The following SLC9B1 variants were observed in gnomAD, a reference collection of about 807,000 sequenced individuals.
The protein encoded by SLC9B1 is sodium/hydrogen exchanger 9B1.
SLC9B1 carries 32 observed loss-of-function variants against 51.7 expected under a neutral mutation model. That is an observed-to-expected ratio of 0.62 (90% CI 0.47 to 0.83). The LOEUF (loss-of-function observed/expected upper bound fraction) is 0.83, where lower values mean the gene tolerates loss of function less well. SLC9B1 is among the 40% of genes least tolerant of loss of function. The pLI is 0.00. For missense variants in SLC9B1, 406 were observed against 613.2 expected (o/e 0.66, Z 3.57); for synonymous variants, 145 against 212.7 (o/e 0.68, Z 2.77).
intron 7 of SLC9B1, among the ~76,000 whole-genome samples, chr4:102,929,314 G>A (rs1330204135): frequency 1.3e-5 from 2 of 152,182 alleles, no homozygotes; most frequent in Admixed American, 6.5e-5. Flanking sequence ...GAGTCAGACT[G>A]CCAGATTTGC....
At chr4:102,926,030 T>C (rs1285709549) in intron 7 of SLC9B1, among the ~76,000 whole-genome samples, 1 of 152,280 alleles carries the variant, frequency 6.6e-6, no homozygotes, top group African/African-American at 2.4e-5. Context: ...GAAAAGGCCT[T>C]TGACAAAATT....
chr4:102,921,575 G>A (rs760971322), intron 7 of SLC9B1, among the ~76,000 whole-genome samples: 6 of 152,134 alleles, frequency 3.9e-5, no homozygotes, highest in East Asian at 1.9e-4. Context: ...AACCATAAAC[G>A]TAAATGGGCT....
intron 3 of SLC9B1, among the ~76,000 whole-genome samples, chr4:102,983,088 T>G (rs1739438551): frequency 6.6e-6 from 1 of 152,094 alleles, no homozygotes; most frequent in African/African-American, 2.4e-5. Flanking sequence ...GTTTTTTATT[T>G]TTAATCATGA....
intron 3 of SLC9B1, among the ~76,000 whole-genome samples, chr4:102,955,747 C>T (rs879717840): frequency 6.6e-6 from 1 of 150,548 alleles, no homozygotes; most frequent in Non-Finnish European, 1.5e-5. Context: ...CAAAGCTGCA[C>T]GTTCTGCACA....
chr4:102,891,822 A>C (rs1734261582), intron 11 of SLC9B1: 1 of 152,160 alleles, frequency 6.6e-6, no homozygotes, highest in Admixed American at 6.5e-5. Flanking sequence ...CTTTAGGGGG[A>C]ATTAAAAATC....
At chr4:102,990,907 T>C (rs750127820) in intron 2 of SLC9B1, among the ~76,000 whole-genome samples, 16 of 152,106 alleles carry the variant, frequency 1.1e-4, no homozygotes, top group African/African-American at 9.7e-5. Context: ...AATTAACCTA[T>C]TGGAGTTCTG....
intron 7 of SLC9B1, among the ~76,000 whole-genome samples, chr4:102,921,846 A>C (rs573572654): frequency 1.3e-5 from 2 of 152,366 alleles, no homozygotes; most frequent in African/African-American, 4.8e-5. Flanking sequence ...GGATCAATTC[A>C]ACAAGAAGAG....
intron 6 of SLC9B1, among the ~76,000 whole-genome samples, chr4:102,942,584 C>T (rs1385503260): frequency 6.6e-6 from 1 of 152,124 alleles, no homozygotes; most frequent in Non-Finnish European, 1.5e-5. Flanking sequence ...GGAAAGGACA[C>T]CCTATTCAAC....
At chr4:102,988,715 C>T (rs1368230680) in intron 3 of SLC9B1, among the ~76,000 whole-genome samples, 1 of 152,000 alleles carries the variant, frequency 6.6e-6, no homozygotes, top group Non-Finnish European at 1.5e-5. Flanking sequence ...AATAGAAACA[C>T]AGAAAATCTC....
intron 7 of SLC9B1, among the ~76,000 whole-genome samples, chr4:102,916,512 TTATGGATAC>T: frequency 6.6e-6 from 1 of 152,310 alleles, no homozygotes; most frequent in South Asian, 2.1e-4. Flanking sequence ...CCACTTTCAA[TTATGGATAC>T]AATAACCAGA....
At position 102,965,795 on chromosome 4, in the gene SLC9B1, A is replaced by C. The variant is rs965519994; in HGVS notation, c.212-16368T>G. Among the ~76,000 whole-genome samples, 228 of 147,850 alleles carry C rather than the reference A, an allele frequency of 1.5e-3. 1 individual carries two copies. The highest frequency in any genetic ancestry group is 5.3e-3 in the African/African-American group (209 of 39,180). Reference sequence around the variant, plus strand: ...AGCCTGTAAAATAATAAAAAAAAAAACAACAAGTTATTTACTTCCAAGATA... The same window carrying C: ...AGCCTGTAAAATAATAAAAAAAAAACCAACAAGTTATTTACTTCCAAGATA... On this transcript the variant is annotated intron_variant, in intron 3 of 11. Coordinates refer to ENST00000296422, the MANE Select transcript of SLC9B1 (RefSeq NM_139173.4).
At chr4:102,978,124 C>T (rs1342231811) in intron 3 of SLC9B1, among the ~76,000 whole-genome samples, 1 of 152,174 alleles carries the variant, frequency 6.6e-6, no homozygotes, top group Non-Finnish European at 1.5e-5. Context: ...CATGTCCCTA[C>T]AAACGACATG....
chr4:102,900,686 G>A (rs571571915), downstream of SLC9B1, among the ~76,000 whole-genome samples: 1 of 152,044 alleles, frequency 6.6e-6, no homozygotes, highest in Admixed American at 6.5e-5. Context: ...TTCTTTTTGT[G>A]GTGATCTTTT....
At chr4:102,971,302 T>G (rs1738749003) in intron 3 of SLC9B1, among the ~76,000 whole-genome samples, 1 of 152,056 alleles carries the variant, frequency 6.6e-6, no homozygotes, top group Admixed American at 6.5e-5. Flanking sequence ...CAGACCACAG[T>G]GCAATCAAAT....
At chr4:102,977,041 T>A (rs1739108370) in intron 3 of SLC9B1, among the ~76,000 whole-genome samples, 1 of 151,900 alleles carries the variant, frequency 6.6e-6, no homozygotes, top group Non-Finnish European at 1.5e-5. Context: ...TCCCAGCTAC[T>A]CAGTAGGCTG....
At chr4:102,923,848 A>C (rs1736012961) in intron 7 of SLC9B1, among the ~76,000 whole-genome samples, 1 of 152,246 alleles carries the variant, frequency 6.6e-6, no homozygotes, top group South Asian at 2.1e-4. Flanking sequence ...CCAACTTACA[A>C]GGGAAATGAA....
chr4:103,015,766 T>G (rs1329778336), intron 1 of SLC9B1, among the ~76,000 whole-genome samples: 1 of 152,142 alleles, frequency 6.6e-6, no homozygotes, highest in Non-Finnish European at 1.5e-5. Context: ...AGGTCTCACC[T>G]CTGACCACTG....
At chr4:102,972,648 T>G (rs1184046879) in intron 3 of SLC9B1, among the ~76,000 whole-genome samples, 3 of 152,180 alleles carry the variant, frequency 2.0e-5, no homozygotes, top group African/African-American at 7.2e-5. Flanking sequence ...CAAATAAGCA[T>G]GAGGAAACTT....
At chr4:102,898,197 G>T, downstream of SLC9B1, 1 of 519,482 alleles carries the variant, frequency 1.9e-6, no homozygotes, top group Non-Finnish European at 3.9e-6. Flanking sequence ...TAAAGAGGCT[G>T]CCCAGAAAGC....
Sources: gnomAD v4.1 joint callset for allele counts (sites outside exome capture counted in the v4.1 genomes callset) on GRCh38, gnomAD v4.1.1 for gene constraint, MANE v1.5 for transcripts, NCBI Gene and HGNC (gene_info 2026-07-23, HGNC 2026-07-21) for gene names.